CABP7: variants seen among roughly 807,000 people sequenced by gnomAD.
CABP7 encodes the protein calcium-binding protein 7.
Under a neutral mutation model 23.1 loss-of-function variants are expected in CABP7, and 13 were observed. That is an observed-to-expected ratio of 0.56 (90% CI 0.37 to 0.90). The LOEUF (loss-of-function observed/expected upper bound fraction) is 0.90. Ranked by LOEUF, CABP7 falls within the 40% of genes least tolerant of loss-of-function variation. The pLI is 0.01. For missense variants in CABP7, 248 were observed against 295.6 expected (o/e 0.84, Z 1.18); for synonymous variants, 123 against 115.3 (o/e 1.07, Z -0.43).
At chr22:29,721,247 G>T (rs1038343709) in intron 1 of CABP7, among the ~76,000 whole-genome samples, 2 of 152,210 alleles carry the variant, frequency 1.3e-5, no homozygotes, top group African/African-American at 4.8e-5. Flanking sequence ...CTGCCTCTCA[G>T]ACTCGCAGGG....
intron 1 of CABP7, among the ~76,000 whole-genome samples, chr22:29,726,989 A>AT (rs2067799536): frequency 6.6e-6 from 1 of 152,026 alleles, no homozygotes; most frequent in Non-Finnish European, 1.5e-5. Flanking sequence ...AGCGCAGTGC[A>AT]TTGCTCACCA....
chr22:29,725,143 C>T (rs1242751270), intron 1 of CABP7, among the ~76,000 whole-genome samples: 2 of 152,130 alleles, frequency 1.3e-5, no homozygotes, highest in African/African-American at 4.8e-5. Flanking sequence ...TTCCCCACAC[C>T]ACCGTCTGGC....
chr22:29,725,751 G>A (rs148517221), intron 1 of CABP7, among the ~76,000 whole-genome samples: 1 of 150,948 alleles, frequency 6.6e-6, no homozygotes, highest in African/African-American at 2.4e-5. Context: ...TCAAAGGACT[G>A]GAGATGGAGC....
At chr22:29,722,406 C>T (rs2067768150) in intron 1 of CABP7, among the ~76,000 whole-genome samples, 1 of 152,272 alleles carries the variant, frequency 6.6e-6, no homozygotes, top group Admixed American at 6.5e-5. Flanking sequence ...CCCCGCTTCT[C>T]TCCTGTCCCC....
Position 29,727,027 on chromosome 22 carries a change from G to A in CABP7, c.110-635G>A, listed in dbSNP as rs532162778. Among the ~76,000 whole-genome samples the A allele has an allele frequency of 6.6e-6, 1 of 152,218 alleles. No homozygotes were observed. The highest frequency in any genetic ancestry group is 2.1e-4 in the South Asian group (1 of 4,808). On this transcript the variant is annotated intron_variant, in intron 1 of 4. Coordinates refer to ENST00000216144, the MANE Select transcript of CABP7 (RefSeq NM_182527.3). This position sits in a 1 kb window ranked among gnomAD's most constrained non-coding sequence, Gnocchi z 4.2. ...TGAGTCACCGAGGTCATCAGGCCTC[G>A]GTCTTCTGCTCCGTACAGTGTGGAG...
chr22:29,720,676 GC>G lies in CABP7; in HGVS notation c.109+147del, dbSNP rs1839378768. On this transcript the variant is annotated intron_variant, in intron 1 of 4. Coordinates refer to ENST00000216144, the MANE Select transcript of CABP7 (RefSeq NM_182527.3). This position sits in a 1 kb window ranked among gnomAD's most constrained non-coding sequence, Gnocchi z 5.2. ...GGTGGGCGCCCCAGCTAGCAGCTGT[GC>G]CCCGCGGCAAGACCTGTCCGCACCC... 6.4e-6 allele frequency: 3 copies of G among 468,522 alleles called. No homozygotes were observed. Among genetic ancestry groups the G allele is most frequent in the Non-Finnish European group, 1.1e-5 (3 of 271,484 alleles). The allele number at this position is 468,522 out of a possible 1,614,324, so 29.0% of individuals were successfully genotyped here. A position where few individuals can be genotyped will look rare whatever the true frequency, so the allele number is the denominator to read the frequency against.
chr22:29,723,832 C>T (rs1655678240), intron 1 of CABP7, among the ~76,000 whole-genome samples: 2 of 152,242 alleles, frequency 1.3e-5, no homozygotes, highest in Admixed American at 1.3e-4. Flanking sequence ...CTTCAGTGAC[C>T]TCCAGCCAGT....
rs749060410 is a variant in CABP7, at chr22:29,731,366, G to C, written c.*1797G>C. The C allele has an allele frequency of 1.3e-6, 2 of 1,544,132 alleles. No individual in the cohort carries two copies. The highest frequency in any genetic ancestry group is 5.2e-5 in the East Asian group (2 of 38,712). Reference sequence around the variant, plus strand: ...TGATGGGTTCAGCCCTAGAGAGAGAGAGAGAAGCGGGGAGAATAAGAGTGC... The same window carrying C: ...TGATGGGTTCAGCCCTAGAGAGAGACAGAGAAGCGGGGAGAATAAGAGTGC... On this transcript the variant is annotated 3_prime_UTR_variant, in exon 5 of 5. Coordinates refer to ENST00000216144, the MANE Select transcript of CABP7 (RefSeq NM_182527.3).
chr22:29,729,290 G>A lies in CABP7; in HGVS notation c.520+82G>A. The A allele has an allele frequency of 2.5e-6, 4 of 1,576,398 alleles. 1 individual carries two copies. The highest frequency in any genetic ancestry group is 1.1e-5 in the South Asian group (1 of 87,920). On this transcript the variant is annotated intron_variant, in intron 4 of 4. Transcript: ENST00000216144. ...GCACGGGGTGGGGAGAGTCTGCAGA[G>A]GGGGGCTGGGGGCCTCCTTGCCTGT...
At chr22:29,722,633 C>T (rs566224064) in intron 1 of CABP7, among the ~76,000 whole-genome samples, 2 of 152,378 alleles carry the variant, frequency 1.3e-5, no homozygotes, top group South Asian at 4.1e-4. Context: ...CTCTGGCGGC[C>T]CCAGGTCCCT....
At position 29,729,828 on chromosome 22, in the gene CABP7, A is replaced by C; in HGVS notation, c.*259A>C. 1 of 504,722 alleles carries C rather than the reference A, an allele frequency of 2.0e-6. No individual in the cohort carries two copies. The highest frequency in any genetic ancestry group is 3.5e-6 in the Non-Finnish European group (1 of 284,162). 31.3% of individuals were successfully genotyped at this position (504,722 alleles called of 1,614,324 possible). On this transcript the variant is annotated 3_prime_UTR_variant, in exon 5 of 5. Coordinates refer to ENST00000216144, the MANE Select transcript of CABP7 (RefSeq NM_182527.3). Reference sequence around the variant, plus strand: ...CCACCCTGGCCTGTAAGGAGCACTCACTCTTCCTACCATCCAGGGGCTCCT... The same window carrying C: ...CCACCCTGGCCTGTAAGGAGCACTCCCTCTTCCTACCATCCAGGGGCTCCT...
In CABP7 at chr22:29,731,436, ACC is replaced by A; in HGVS notation, c.*1869_*1870del. The stretch of plus-strand genomic sequence containing the variant: ...CCACCCCCAGCCCACCTGCCTCACC[ACC>A]CTGGCTGTGGGGAGGGTCAGCTGCC... On this transcript the variant is annotated 3_prime_UTR_variant, in exon 5 of 5. Transcript: ENST00000216144. The A allele has an allele frequency of 6.7e-7, 1 of 1,491,156 alleles. No homozygotes were observed. The highest frequency in any genetic ancestry group is 1.4e-5 in the South Asian group (1 of 71,510). The allele number at this position is 1,491,156 out of a possible 1,614,324, so 92.4% of individuals were successfully genotyped here. A position where few individuals can be genotyped will look rare whatever the true frequency, so the allele number is the denominator to read the frequency against.
In CABP7 at chr22:29,731,366, G is replaced by A; in HGVS notation, c.*1797G>A. On this transcript the variant is annotated 3_prime_UTR_variant, in exon 5 of 5. Transcript: ENST00000216144. The stretch of plus-strand genomic sequence containing the variant: ...TGATGGGTTCAGCCCTAGAGAGAGA[G>A]AGAGAAGCGGGGAGAATAAGAGTGC... 1.3e-6 allele frequency: 2 copies of A among 1,544,250 alleles called. No individual in the cohort carries two copies. Among genetic ancestry groups the A allele is most frequent in the Admixed American group, 2.2e-5 (1 of 44,948 alleles).
rs2067827022 is a variant in CABP7 at position 29,729,941 on chromosome 22, G to A, written c.*372G>A. 1 of 229,348 alleles carries A rather than the reference G, an allele frequency of 4.4e-6. No individual in the cohort carries two copies. Among genetic ancestry groups the A allele is most frequent in the East Asian group, 1.2e-4 (1 of 8,636 alleles). The allele number at this position is 229,348 out of a possible 1,614,324, so 14.2% of individuals were successfully genotyped here. Reference sequence around the variant, plus strand: ...GGCAGGAGCGGGCACCCTGTGCCTTGAGACAGCAGCCTATCTGGGGCCACA... The same window carrying A: ...GGCAGGAGCGGGCACCCTGTGCCTTAAGACAGCAGCCTATCTGGGGCCACA... On this transcript the variant is annotated 3_prime_UTR_variant, in exon 5 of 5. Transcript: ENST00000216144.
chr22:29,729,429 C>G lies in CABP7; in HGVS notation c.521-13C>G. On this transcript the variant is annotated splice_polypyrimidine_tract_variant and intron_variant, in intron 4 of 4. Transcript: ENST00000216144. Reference sequence around the variant, plus strand: ...CCTTCTGTCTCCCCGGTGCTCCCGGCGGGCGGCCACAGCCTGCTCCAACCA... The same window carrying G: ...CCTTCTGTCTCCCCGGTGCTCCCGGGGGGCGGCCACAGCCTGCTCCAACCA... The G allele has an allele frequency of 6.2e-7, 1 of 1,607,616 alleles. No individual in the cohort carries two copies. Among genetic ancestry groups the G allele is most frequent in the Non-Finnish European group, 8.5e-7 (1 of 1,179,298 alleles).
chr22:29,731,315 C>A lies in CABP7; in HGVS notation c.*1746C>A. On this transcript the variant is annotated 3_prime_UTR_variant, in exon 5 of 5. Coordinates refer to ENST00000216144, the MANE Select transcript of CABP7 (RefSeq NM_182527.3). The stretch of plus-strand genomic sequence containing the variant: ...GCAGCTCCTGAACTGGTGGCCAGCC[C>A]ACGGGGTACTGGAAGACAGTGGTTC... 1 of 1,531,932 alleles carries A rather than the reference C, an allele frequency of 6.5e-7. No homozygotes were observed. Among genetic ancestry groups the A allele is most frequent in the Admixed American group, 2.4e-5 (1 of 40,980 alleles). 94.9% of individuals were successfully genotyped at this position (1,531,932 alleles called of 1,614,324 possible). A position where few individuals can be genotyped will look rare whatever the true frequency, so the allele number is the denominator to read the frequency against.
At position 29,724,610 on chromosome 22, in the gene CABP7, G is replaced by A. The variant is rs560117807; in HGVS notation, c.110-3052G>A. 8.5e-5 allele frequency among the ~76,000 whole-genome samples: 13 copies of A among 152,308 alleles called. No individual in the cohort carries two copies. In the South Asian group the frequency reaches 1.7e-3, roughly 19 times the overall value. ...GGCTGGGAAGGTGGTGCCTGAACCC[G>A]GCCTCTGTGGGCGGGTGGGAGTCGG... is the stretch of plus-strand genomic sequence containing the variant. On this transcript the variant is annotated intron_variant, in intron 1 of 4. Transcript: ENST00000216144.
Position 29,720,449 on chromosome 22 carries a change from G to T in CABP7, c.25G>T (p.Ala9Ser), listed in dbSNP as rs1788269542. 2.6e-6 allele frequency: 4 copies of T among 1,553,852 alleles called. No individual in the cohort carries two copies. Among genetic ancestry groups the T allele is most frequent in the Non-Finnish European group, 8.7e-7 (1 of 1,152,500 alleles). MPFHPVTA[A>S]LMYRGIYTVP... ...GATGCCGTTCCACCCGGTGACGGCGGCGTTGATGTACCGGGGCATCTACAC... is the reference window on the plus strand; with the variant it reads ...GATGCCGTTCCACCCGGTGACGGCGTCGTTGATGTACCGGGGCATCTACAC... The change falls in exon 1 of 5, where the codon GCG (alanine) becomes TCG (serine). Residue 9 changes from alanine to serine, a missense_variant. Ala to Ser is a moderately conservative substitution (Grantham distance 99, BLOSUM62 1). Coordinates refer to ENST00000216144, the MANE Select transcript of CABP7 (RefSeq NM_182527.3). This position sits in a 1 kb window ranked among gnomAD's most constrained non-coding sequence, Gnocchi z 5.2.
rs762272207 is a variant in CABP7, at chr22:29,731,356, T to TAGAG, written c.*1799_*1802dup. 1 of 1,480,626 alleles carries TAGAG rather than the reference T, an allele frequency of 6.8e-7. No homozygotes were observed. The highest frequency in any genetic ancestry group is 9.0e-7 in the Non-Finnish European group (1 of 1,106,528). The allele number at this position is 1,480,626 out of a possible 1,614,324, so 91.7% of individuals were successfully genotyped here. On this transcript the variant is annotated 3_prime_UTR_variant, in exon 5 of 5. Coordinates refer to ENST00000216144, the MANE Select transcript of CABP7 (RefSeq NM_182527.3). ...ACAGTGGTTCTGATGGGTTCAGCCC[T>TAGAG]AGAGAGAGAGAGAGAAGCGGGGAGA... is the stretch of plus-strand genomic sequence containing the variant.
Sources: gnomAD v4.1 joint callset for allele counts (sites outside exome capture counted in the v4.1 genomes callset) on GRCh38, gnomAD v4.1.1 for gene constraint, Gnocchi (gnomAD v3.1) non-coding constraint, MANE v1.5 for transcripts, NCBI Gene and HGNC (gene_info 2026-07-23, HGNC 2026-07-21) for gene names.